Variants in KAT2B observed in about 807,000 individuals in gnomAD.
KAT2B encodes the protein lysine acetyltransferase 2B, also known as histone acetyltransferase KAT2B.
In KAT2B, 36 loss-of-function variants were observed where a neutral mutation model predicts 105.9. The observed-to-expected ratio is 0.34, with a 90% CI of 0.26 to 0.45. The LOEUF is 0.45. Among genes scored for constraint, KAT2B ranks in the 20% least tolerant of loss-of-function variants. KAT2B has a pLI of 1.00. For synonymous variants in KAT2B, 397 were observed against 377.9 expected (o/e 1.05, Z -0.59); for missense variants, 820 against 1,021.6 (o/e 0.80, Z 2.69).
At chr3:20,108,485 A>G (rs374329908) in intron 5 of KAT2B, among the ~76,000 whole-genome samples, 1 of 152,260 alleles carries the variant, frequency 6.6e-6, no homozygotes, top group Admixed American at 6.5e-5. Context: ...TTAGTCAGCA[A>G]TGGACCACAT....
At position 20,151,670 on chromosome 3, in the gene KAT2B, C is replaced by G. The variant is rs114297877; in HGVS notation, c.2306-662C>G. Reference sequence around the variant, plus strand: ...GAGTACTGTTTTCACCTGTAAAATACTACAATTTAAAGCAAGTAGCTATAT... The same window carrying G: ...GAGTACTGTTTTCACCTGTAAAATAGTACAATTTAAAGCAAGTAGCTATAT... On this transcript the variant is annotated intron_variant, in intron 17 of 17. Coordinates refer to ENST00000263754, the MANE Select transcript of KAT2B (RefSeq NM_003884.5). Among the ~76,000 whole-genome samples the G allele has an allele frequency of 4.2e-3, 633 of 152,192 alleles. 2 individuals are homozygous for G. The highest frequency in any genetic ancestry group is 0.014 in the African/African-American group (601 of 41,534).
chr3:20,139,008 C>G (rs1699652092), intron 12 of KAT2B, among the ~76,000 whole-genome samples: 1 of 152,128 alleles, frequency 6.6e-6, no homozygotes, highest in South Asian at 2.1e-4. Context: ...ATCCTCCTGC[C>G]TCAGCTACCT....
intron 6 of KAT2B, among the ~76,000 whole-genome samples, chr3:20,112,045 C>T (rs1411553100): frequency 3.9e-5 from 6 of 152,124 alleles, no homozygotes; most frequent in Admixed American, 6.5e-5. Context: ...CTCTGACTCA[C>T]ATAGAATGGG....
At chr3:20,105,504 A>T (rs562394070) in intron 5 of KAT2B, among the ~76,000 whole-genome samples, 1 of 152,288 alleles carries the variant, frequency 6.6e-6, no homozygotes, top group South Asian at 2.1e-4. Context: ...GGCTGTGTGC[A>T]GTAGCTGATG....
chr3:20,123,417 T>G (rs1699346976), intron 9 of KAT2B, among the ~76,000 whole-genome samples: 2 of 152,214 alleles, frequency 1.3e-5, no homozygotes, highest in African/African-American at 4.8e-5. Flanking sequence ...CCAAATCTGC[T>G]CCACTGGCTG....
intron 1 of KAT2B, among the ~76,000 whole-genome samples, chr3:20,059,027 C>A (rs184448213): frequency 6.6e-6 from 1 of 152,310 alleles, no homozygotes; most frequent in African/African-American, 2.4e-5. Flanking sequence ...CTAATTACAT[C>A]AGCATAATTC....
rs1053020249 is a variant in KAT2B at position 20,073,729 on chromosome 3, TAAAAC to T, written c.430+1272_430+1276del. On this transcript the variant is annotated intron_variant, in intron 2 of 17. Transcript: ENST00000263754. ...TTACCTTTTTAAAAAAATAAATAAA[TAAAAC>T]AGAACGAAACAAAACAATCACTAAC... 3.9e-3 allele frequency among the ~76,000 whole-genome samples: 550 copies of T among 141,238 alleles called. 5 individuals are homozygous for T. The highest frequency in any genetic ancestry group is 0.014 in the African/African-American group (519 of 37,504). The allele number at this position is 141,238 out of a possible 152,430, so 92.7% of individuals were successfully genotyped here. A position where few individuals can be genotyped will look rare whatever the true frequency, so the allele number is the denominator to read the frequency against.
chr3:20,105,770 C>T (rs9310608), intron 5 of KAT2B, among the ~76,000 whole-genome samples: 33,636 of 142,980 alleles, frequency 0.24, 4,769 homozygotes, highest in East Asian at 0.43. Flanking sequence ...CACTGCACTC[C>T]GGCCTGGGTG....
chr3:20,101,322 C>A lies in KAT2B; in HGVS notation c.705C>A (p.His235Gln). 1 of 1,614,038 alleles carries A rather than the reference C, an allele frequency of 6.2e-7. No individual in the cohort carries two copies. Among genetic ancestry groups the A allele is most frequent in the Non-Finnish European group, 8.5e-7 (1 of 1,179,998 alleles). ...VNNFVQYKFS[H>Q]LPAKERQTIV... ...ACTTTGTGCAGTACAAATTTAGTCA[C>A]CTGCCAGCAAAAGAAAGGCAAACAA... Residue 235 changes from histidine to glutamine, a missense_variant, in exon 5 of 18, where the codon CAC (histidine) becomes CAA (glutamine). His to Gln is a conservative substitution (Grantham distance 24, BLOSUM62 0). This residue lies in a region of KAT2B where 173 missense variants were observed against 249.5 expected (regional missense o/e 0.69). Transcript: ENST00000263754.
At chr3:20,150,374 T>C (rs1375410395) in intron 17 of KAT2B, among the ~76,000 whole-genome samples, 1 of 152,212 alleles carries the variant, frequency 6.6e-6, no homozygotes, top group Non-Finnish European at 1.5e-5. Context: ...ATTACTTTTC[T>C]TTCCCCATAT....
chr3:20,073,511 C>T (rs1461240679), intron 2 of KAT2B, among the ~76,000 whole-genome samples: 1 of 152,130 alleles, frequency 6.6e-6, no homozygotes, highest in East Asian at 1.9e-4. Context: ...ATAATGTGAT[C>T]TTCCCAAGAA....
In KAT2B at chr3:20,111,701, GAGGCGAC is replaced by G. The variant is rs1389941784; in HGVS notation, c.959_965del (p.Arg320AsnfsTer20). 1.9e-6 allele frequency: 3 copies of G among 1,614,088 alleles called. No individual in the cohort carries two copies. The highest frequency in any genetic ancestry group is 2.5e-6 in the Non-Finnish European group (3 of 1,179,982). ...TGCTTCGCTCGGTCTTCACTGTTAT[GAGGCGAC>G]AACTCCTGGAACAAGCAAGACAGGA... On this transcript the variant is annotated frameshift_variant, in exon 6 of 18. Coordinates refer to ENST00000263754, the MANE Select transcript of KAT2B (RefSeq NM_003884.5). LOFTEE classifies it high-confidence loss of function.
chr3:20,140,091 C>T (rs1476847161), intron 12 of KAT2B, 130 bp from the exon 13 acceptor site: 4 of 607,968 alleles, frequency 6.6e-6, no homozygotes, highest in Non-Finnish European at 2.9e-6. Flanking sequence ...AGCTAATCCT[C>T]TTCAGAATAG....
intron 2 of KAT2B, among the ~76,000 whole-genome samples, chr3:20,078,666 C>G (rs1698463881): frequency 6.6e-6 from 1 of 151,242 alleles, no homozygotes. Flanking sequence ...GCTACCGCAC[C>G]CTTCATCATC....
intron 11 of KAT2B, among the ~76,000 whole-genome samples, chr3:20,135,025 G>A (rs2125187162): frequency 6.6e-6 from 1 of 152,272 alleles, no homozygotes; most frequent in East Asian, 1.9e-4. Context: ...GTAGCCACAT[G>A]AGGCTAGTGT....
At chr3:20,064,623 A>G (rs1037206646) in intron 1 of KAT2B, among the ~76,000 whole-genome samples, 2 of 152,202 alleles carry the variant, frequency 1.3e-5, no homozygotes, top group African/African-American at 4.8e-5. Flanking sequence ...CATTTTGTGC[A>G]TCTGCAGGGT....
intron 2 of KAT2B, among the ~76,000 whole-genome samples, chr3:20,092,179 C>T (rs1575128135): frequency 6.6e-6 from 1 of 150,608 alleles, no homozygotes; most frequent in South Asian, 2.1e-4. Flanking sequence ...ATTGAAGTCC[C>T]CTACTATTAT....
intron 2 of KAT2B, among the ~76,000 whole-genome samples, chr3:20,080,870 A>G (rs1161890739): frequency 6.6e-6 from 1 of 152,244 alleles, no homozygotes; most frequent in Non-Finnish European, 1.5e-5. Flanking sequence ...GTTAAATAAA[A>G]TATATTATTT....
intron 2 of KAT2B, among the ~76,000 whole-genome samples, chr3:20,080,191 T>G (rs1182822290): frequency 2.0e-5 from 3 of 152,214 alleles, no homozygotes; most frequent in Admixed American, 6.5e-5. Flanking sequence ...TGAAGGGTGA[T>G]CTGTAGTTGA....
Sources: gnomAD v4.1 joint callset for allele counts (sites outside exome capture counted in the v4.1 genomes callset) on GRCh38, gnomAD v4.1.1 for gene constraint, gnomAD v4.1.1 regional missense constraint, MANE v1.5 for transcripts, NCBI Gene and HGNC (gene_info 2026-07-23, HGNC 2026-07-21) for gene names.